SGCE: variants seen among roughly 807,000 people sequenced by gnomAD.
SGCE encodes the protein sarcoglycan epsilon.
In SGCE, 26 loss-of-function variants were observed where a neutral mutation model predicts 57.8. That is an observed-to-expected ratio of 0.45 (90% CI 0.33 to 0.62). The LOEUF (loss-of-function observed/expected upper bound fraction) is 0.62, where lower values mean the gene tolerates loss of function less well. Ranked by LOEUF, SGCE falls within the 20% of genes least tolerant of loss-of-function variation. The pLI is 0.02. For synonymous variants in SGCE, 183 were observed against 189.5 expected, an observed-to-expected ratio of 0.97 and a Z score of 0.28; for missense variants, 468 against 548.6, an observed-to-expected ratio of 0.85 and a Z score of 1.47.
chr7:94,622,761 C>T (rs1398444720), intron 4 of SGCE: 1 of 152,056 alleles, frequency 6.6e-6, no homozygotes, highest in African/African-American at 2.4e-5. Flanking sequence ...AAATCACTTA[C>T]AATTTGAGCA....
At chr7:94,640,835 A>T (rs1411822888) in intron 1 of SGCE, 1 of 152,090 alleles carries the variant, frequency 6.6e-6, no homozygotes, top group Non-Finnish European at 1.5e-5. Flanking sequence ...TTTGGTAGAG[A>T]TGGGGTTTCA....
intron 5 of SGCE, among the ~76,000 whole-genome samples, chr7:94,603,729 A>G (rs1799629498): frequency 1.3e-5 from 2 of 152,034 alleles, no homozygotes; most frequent in African/African-American, 4.8e-5. Flanking sequence ...ATTTATTTTC[A>G]TTCAATATAA....
chr7:94,628,497 C>G lies in SGCE; in HGVS notation c.233-138G>C, dbSNP rs964640509. 2.3e-5 allele frequency: 15 copies of G among 641,208 alleles called. No individual in the cohort carries two copies. In the African/African-American group the frequency reaches 2.8e-4, roughly 12 times the overall value. 39.7% of individuals were successfully genotyped at this position (641,208 alleles called of 1,614,324 possible). On this transcript the variant is annotated intron_variant, in intron 2 of 10. Coordinates refer to ENST00000648936, the MANE Select transcript of SGCE (RefSeq NM_003919.3). ...CTAAATACACACATACAAAACCCAT[C>G]TGGGAATTTAAATTAGGGCACCACG...
At chr7:94,649,162 A>G (rs1201935496) in intron 1 of SGCE, among the ~76,000 whole-genome samples, 1 of 152,252 alleles carries the variant, frequency 6.6e-6, no homozygotes, top group Non-Finnish European at 1.5e-5. Context: ...ACAAAGTGAA[A>G]TGTGCTAAAC....
At chr7:94,605,194 T>C (rs1450168905) in intron 5 of SGCE, among the ~76,000 whole-genome samples, 1 of 152,014 alleles carries the variant, frequency 6.6e-6, no homozygotes, top group Non-Finnish European at 1.5e-5. Flanking sequence ...GATGTTGAAA[T>C]TATCAGACCA....
intron 10 of SGCE, 145 bp downstream of exon 10, chr7:94,588,544 G>T: frequency 6.7e-7 from 1 of 1,492,372 alleles, no homozygotes; most frequent in Non-Finnish European, 8.9e-7. Flanking sequence ...CTATTATTCT[G>T]AGGTTTTAAG....
At chr7:94,655,933 G>T in intron 1 of SGCE, 57 bp downstream of exon 1, 4 of 1,128,290 alleles carry the variant, frequency 3.5e-6, no homozygotes, top group East Asian at 2.4e-5. Context: ...GAGCGGGGGA[G>T]GGGGAGGCGG....
intron 9 of SGCE, among the ~76,000 whole-genome samples, chr7:94,591,769 C>T (rs147791078): frequency 3.3e-5 from 5 of 151,252 alleles, no homozygotes; most frequent in Admixed American, 6.6e-5. Context: ...CTTTCTAAAT[C>T]ACAATGGGCT....
chr7:94,643,388 T>C (rs768197933), intron 1 of SGCE, among the ~76,000 whole-genome samples: 4 of 152,234 alleles, frequency 2.6e-5, no homozygotes, highest in Non-Finnish European at 5.9e-5. Flanking sequence ...GGTGTCTCAA[T>C]TGTTTAAACA....
intron 10 of SGCE, chr7:94,586,914 C>A: frequency 2.0e-6 from 2 of 984,232 alleles, no homozygotes. Flanking sequence ...TTTGGGGACT[C>A]ACTAAATAAA....
At chr7:94,591,085 C>T (rs1330257373) in intron 9 of SGCE, among the ~76,000 whole-genome samples, 3 of 152,142 alleles carry the variant, frequency 2.0e-5, no homozygotes, top group Non-Finnish European at 4.4e-5. Context: ...CAGCCTTATC[C>T]TTGTGTAGGC....
At chr7:94,626,761 G>A (rs1451079604) in intron 3 of SGCE, 1 of 151,664 alleles carries the variant, frequency 6.6e-6, no homozygotes, top group South Asian at 2.1e-4. Context: ...TTCTTGTTTT[G>A]TTCCTGAATT....
chr7:94,645,980 A>T (rs1807014959), intron 1 of SGCE, among the ~76,000 whole-genome samples: 1 of 152,214 alleles, frequency 6.6e-6, no homozygotes, highest in East Asian at 1.9e-4. Flanking sequence ...ACACATATGA[A>T]AAATGATATT....
intron 7 of SGCE, 112 bp from the exon 8 acceptor site, chr7:94,599,835 T>G: frequency 2.4e-6 from 2 of 833,218 alleles, no homozygotes; most frequent in Middle Eastern, 2.2e-4. Flanking sequence ...TTGTCACTAT[T>G]AAATGCAACC....
chr7:94,635,425 A>C (rs1278828952), intron 1 of SGCE, among the ~76,000 whole-genome samples: 1 of 152,250 alleles, frequency 6.6e-6, no homozygotes, highest in Non-Finnish European at 1.5e-5. Context: ...CTAAGCAACT[A>C]GGTATCATCA....
chr7:94,600,916 T>G (rs1799118031), intron 6 of SGCE, 59 bp from the exon 7 acceptor site: 5 of 1,375,360 alleles, frequency 3.6e-6, no homozygotes, highest in African/African-American at 1.4e-5. Flanking sequence ...TATGAGATTT[T>G]AAGATCTGGA....
At chr7:94,611,152 C>T (rs900775901) in intron 5 of SGCE, among the ~76,000 whole-genome samples, 10 of 152,124 alleles carry the variant, frequency 6.6e-5, no homozygotes, top group African/African-American at 1.9e-4. Context: ...TAGGGATATA[C>T]TTCAGAAAAA....
At chr7:94,591,211 A>T (rs1797632804) in intron 9 of SGCE, among the ~76,000 whole-genome samples, 1 of 152,228 alleles carries the variant, frequency 6.6e-6, no homozygotes, top group African/African-American at 2.4e-5. Flanking sequence ...AAGAGGGAAT[A>T]AGTTCTACAT....
intron 1 of SGCE, among the ~76,000 whole-genome samples, chr7:94,633,606 G>A (rs1474123913): frequency 1.3e-5 from 2 of 151,882 alleles, no homozygotes; most frequent in African/African-American, 4.8e-5. Flanking sequence ...TCAAATAACA[G>A]ACCACGAAAG....
Sources: gnomAD v4.1 joint callset for allele counts (sites outside exome capture counted in the v4.1 genomes callset) on GRCh38, gnomAD v4.1.1 for gene constraint, MANE v1.5 for transcripts, NCBI Gene and HGNC (gene_info 2026-07-23, HGNC 2026-07-21) for gene names.